Variants in PRKG1 observed in about 807,000 individuals in gnomAD.
The protein encoded by PRKG1 is protein kinase cGMP-dependent 1.
PRKG1 carries 35 observed loss-of-function variants against 88.1 expected under a neutral mutation model. That is an observed-to-expected ratio of 0.40 (90% CI 0.30 to 0.53). The LOEUF (loss-of-function observed/expected upper bound fraction) is 0.53. Ranked by LOEUF, PRKG1 falls within the 20% of genes least tolerant of loss-of-function variation. The pLI, the probability that PRKG1 is intolerant of heterozygous loss-of-function variation, is 0.59. For synonymous variants in PRKG1, 303 were observed against 292.5 expected, an observed-to-expected ratio of 1.04 and a Z score of -0.37; for missense variants, 540 against 839.8, an observed-to-expected ratio of 0.64 and a Z score of 4.41.
Position 51,999,599 on chromosome 10 carries a change from A to T in PRKG1, c.763-54885A>T, listed in dbSNP as rs915987915. 1.2e-4 allele frequency among the ~76,000 whole-genome samples: 19 copies of T among 152,292 alleles called. 1 individual carries two copies. Among genetic ancestry groups the T allele is most frequent in the African/African-American group, 4.3e-4 (18 of 41,580 alleles). On this transcript the variant is annotated intron_variant, in intron 5 of 17. Transcript: ENST00000373980. ...TGTTTCTAAATATATAAACAGAACT[A>T]AGGTGGCTTTTCTTTTTGGATAATT...
At chr10:51,547,096 C>T (rs1178304344) in intron 3 of PRKG1, among the ~76,000 whole-genome samples, 1 of 152,032 alleles carries the variant, frequency 6.6e-6, no homozygotes, top group Non-Finnish European at 1.5e-5. Flanking sequence ...AGAGCCTCAT[C>T]ACAGACAGGT....
At position 51,889,871 on chromosome 10, in the gene PRKG1, T is replaced by C. The variant is rs1274642372; in HGVS notation, c.699-17636T>C. On this transcript the variant is annotated intron_variant, in intron 4 of 17. Coordinates refer to ENST00000373980, the MANE Select transcript of PRKG1 (RefSeq NM_006258.4). The stretch of plus-strand genomic sequence containing the variant: ...TAAATGTCTTCTTTTCAGAAGTGTC[T>C]GTTCATATTCTTGGCCCACTTTTTG... 2.0e-5 allele frequency among the ~76,000 whole-genome samples: 3 copies of C among 152,250 alleles called. No individual in the cohort carries two copies. In the East Asian group the frequency reaches 5.8e-4, roughly 29 times the overall value.
chr10:51,153,020 T>G, intron 1 of PRKG1, 144 bp from the exon 2 acceptor site: 1 of 520,134 alleles, frequency 1.9e-6, no homozygotes, highest in Non-Finnish European at 3.1e-6. Flanking sequence ...CATACTTTGT[T>G]CTCCAGTCTT....
chr10:51,393,035 G>A (rs566015335), intron 2 of PRKG1, among the ~76,000 whole-genome samples: 11 of 146,284 alleles, frequency 7.5e-5, no homozygotes, highest in African/African-American at 2.2e-4. Context: ...GGTGGTTGCC[G>A]GGCGGAGGGG....
intron 5 of PRKG1, among the ~76,000 whole-genome samples, chr10:51,951,428 A>G (rs1248788233): frequency 6.6e-6 from 1 of 152,210 alleles, no homozygotes; most frequent in African/African-American, 2.4e-5. Flanking sequence ...AAAATTCTTA[A>G]GCTTAATACT....
At chr10:51,448,259 A>T (rs957675019) in intron 2 of PRKG1, among the ~76,000 whole-genome samples, 1 of 152,020 alleles carries the variant, frequency 6.6e-6, no homozygotes, top group African/African-American at 2.4e-5. Context: ...AGAAAAAACA[A>T]AACAAAAAAA....
At chr10:51,027,907 A>G (rs1320074190) in intron 1 of PRKG1, among the ~76,000 whole-genome samples, 1 of 152,192 alleles carries the variant, frequency 6.6e-6, no homozygotes, top group Non-Finnish European at 1.5e-5. Context: ...TAAAATATCA[A>G]ACTGAAAAGA....
chr10:51,812,532 T>C (rs1839483275), intron 4 of PRKG1, among the ~76,000 whole-genome samples: 1 of 152,132 alleles, frequency 6.6e-6, no homozygotes, highest in Non-Finnish European at 1.5e-5. Flanking sequence ...TATGCCAGGA[T>C]TCAGAAAGCT....
At chr10:52,149,200 A>C (rs1282411787) in intron 8 of PRKG1, among the ~76,000 whole-genome samples, 1 of 151,802 alleles carries the variant, frequency 6.6e-6, no homozygotes, top group Non-Finnish European at 1.5e-5. Context: ...ACTGCACTTG[A>C]AGTCCAGGGA....
At chr10:51,893,748 T>TGA (rs1461508512) in intron 4 of PRKG1, among the ~76,000 whole-genome samples, 3 of 152,158 alleles carry the variant, frequency 2.0e-5, no homozygotes, top group African/African-American at 7.2e-5. Context: ...AACAACACCA[T>TGA]GAGCTAAGTT....
At chr10:52,073,004 A>G (rs562390141) in intron 7 of PRKG1, among the ~76,000 whole-genome samples, 2 of 152,330 alleles carry the variant, frequency 1.3e-5, no homozygotes, top group South Asian at 4.1e-4. Flanking sequence ...CCAAAGTCAA[A>G]GTGTCACCAG....
At chr10:51,301,107 A>C (rs571802634) in intron 2 of PRKG1, among the ~76,000 whole-genome samples, 5 of 152,304 alleles carry the variant, frequency 3.3e-5, no homozygotes, top group African/African-American at 1.2e-4. Context: ...AGAAACATTC[A>C]TGTCTGATAG....
At chr10:51,305,989 T>C (rs1015220611) in intron 2 of PRKG1, among the ~76,000 whole-genome samples, 2 of 152,292 alleles carry the variant, frequency 1.3e-5, no homozygotes, top group Middle Eastern at 3.4e-3. Flanking sequence ...GTAGATGCAA[T>C]AGACACTAAG....
chr10:52,208,462 G>T (rs1479730114), intron 9 of PRKG1, among the ~76,000 whole-genome samples: 1 of 152,040 alleles, frequency 6.6e-6, no homozygotes, highest in East Asian at 1.9e-4. Context: ...GAAGTATTAT[G>T]GTAAAATGCT....
intron 1 of PRKG1, among the ~76,000 whole-genome samples, chr10:51,045,360 C>T (rs1231006457): frequency 1.3e-5 from 2 of 151,974 alleles, no homozygotes; most frequent in African/African-American, 2.4e-5. Context: ...CTCCCTCTGT[C>T]GCCCAGGCTG....
intron 12 of PRKG1, 95 bp from the exon 13 acceptor site, chr10:52,280,694 T>A (rs955460338): frequency 3.0e-6 from 4 of 1,353,604 alleles, no homozygotes; most frequent in South Asian, 1.3e-5. Flanking sequence ...GGTTAAATTT[T>A]GGCAAAGGAA....
At chr10:51,506,102 A>C (rs1841194405) in intron 3 of PRKG1, among the ~76,000 whole-genome samples, 1 of 152,174 alleles carries the variant, frequency 6.6e-6, no homozygotes, top group Admixed American at 6.6e-5. Context: ...GGCTAGCCAT[A>C]TGTAGAAAGC....
rs1842179902 is a variant in PRKG1 at position 52,289,000 on chromosome 10, G to A, written c.1895+7G>A. The A allele has an allele frequency of 1.2e-6, 2 of 1,605,840 alleles. No homozygotes were observed. Among genetic ancestry groups the A allele is most frequent in the South Asian group, 2.2e-5 (2 of 89,886 alleles). On this transcript the variant is annotated splice_region_variant and intron_variant, in intron 16 of 17. Coordinates refer to ENST00000373980, the MANE Select transcript of PRKG1 (RefSeq NM_006258.4). ...AAGACATTCAAAAGCACAAGTAAGT[G>A]TTCTTTCTGCAGAGTTCTGAACACG...
intron 3 of PRKG1, among the ~76,000 whole-genome samples, chr10:51,700,039 T>C (rs1182543228): frequency 1.2e-4 from 18 of 152,244 alleles, no homozygotes; most frequent in Admixed American, 1.1e-3. Context: ...TATTATAGTA[T>C]AGTTAAGCTA....
Sources: gnomAD v4.1 joint callset for allele counts (sites outside exome capture counted in the v4.1 genomes callset) on GRCh38, gnomAD v4.1.1 for gene constraint, MANE v1.5 for transcripts, NCBI Gene and HGNC (gene_info 2026-07-23, HGNC 2026-07-21) for gene names.